The following RNF13 variants were observed in gnomAD, a reference collection of about 807,000 sequenced individuals.
The protein encoded by RNF13 is ring finger protein 13.
In RNF13, 19 loss-of-function variants were observed where a neutral mutation model predicts 37.7. The observed-to-expected ratio is 0.50, with a 90% confidence interval of 0.35 to 0.74. The LOEUF is 0.74. Ranked by LOEUF, RNF13 falls within the 30% of genes least tolerant of loss-of-function variation. The pLI is 0.01. For missense variants in RNF13, 375 were observed against 453.0 expected, an observed-to-expected ratio of 0.83 and a Z score of 1.56; for synonymous variants, 144 against 157.8, an observed-to-expected ratio of 0.91 and a Z score of 0.65.
intron 7 of RNF13, among the ~76,000 whole-genome samples, chr3:149,916,801 A>C (rs1348411114): frequency 6.6e-6 from 1 of 152,194 alleles, no homozygotes; most frequent in Non-Finnish European, 1.5e-5. Context: ...TAAATGGTGA[A>C]ATGCTAGAAG....
intron 2 of RNF13, 96 bp downstream of exon 2, chr3:149,846,236 C>T (rs1486006626): frequency 2.4e-5 from 18 of 745,720 alleles, no homozygotes. Flanking sequence ...TGTTATAAGA[C>T]ATTTTTATCT....
At chr3:149,877,472 C>CTTTTTTTTTTTTTTTTTTTTGT (rs1712872255) in intron 4 of RNF13, among the ~76,000 whole-genome samples, 13 of 101,488 alleles carry the variant, frequency 1.3e-4, no homozygotes, top group African/African-American at 1.9e-4. Context: ...TTCTTTCTGT[C>CTTTTTTTTTTTTTTTTTTTTGT]TTTTTTTTTT....
chr3:149,902,986 A>G (rs773941699), intron 6 of RNF13, among the ~76,000 whole-genome samples: 14 of 152,150 alleles, frequency 9.2e-5, no homozygotes, highest in Non-Finnish European at 1.5e-4. Flanking sequence ...CATTTGCCAG[A>G]AGAGGTAACT....
At chr3:149,953,567 AGTATATTTCTTAACACTAT>A (rs1721556308) in intron 8 of RNF13, among the ~76,000 whole-genome samples, 1 of 152,204 alleles carries the variant, frequency 6.6e-6, no homozygotes, top group African/African-American at 2.4e-5. Flanking sequence ...TAGCTGCTTA[AGTATATTTCTTAACACTAT>A]GAATCGAAGG....
intron 3 of RNF13, among the ~76,000 whole-genome samples, chr3:149,870,033 G>A (rs1427997346): frequency 6.6e-6 from 1 of 151,648 alleles, no homozygotes; most frequent in Non-Finnish European, 1.5e-5. Flanking sequence ...ACTGTGATTT[G>A]GCATCTCCTT....
intron 1 of RNF13, among the ~76,000 whole-genome samples, chr3:149,828,450 A>G (rs1236622817): frequency 6.6e-6 from 1 of 152,192 alleles, no homozygotes; most frequent in Non-Finnish European, 1.5e-5. Flanking sequence ...TACACTGTGC[A>G]TGATATTTGA....
At chr3:149,831,101 G>A (rs981922954) in intron 1 of RNF13, among the ~76,000 whole-genome samples, 4 of 152,234 alleles carry the variant, frequency 2.6e-5, no homozygotes, top group Admixed American at 6.5e-5. Context: ...AGTTTGCTGC[G>A]GGGGTGAAGC....
intron 7 of RNF13, among the ~76,000 whole-genome samples, chr3:149,917,888 TAA>T (rs1270028862): frequency 6.6e-6 from 1 of 152,208 alleles, no homozygotes; most frequent in African/African-American, 2.4e-5. Flanking sequence ...TAATGTAACT[TAA>T]AATTAACTCA....
intron 1 of RNF13, 200 bp from the exon 2 acceptor site, chr3:149,845,811 A>G (rs1020682500): frequency 1.5e-5 from 7 of 455,122 alleles, no homozygotes; most frequent in Admixed American, 3.9e-5. Context: ...TTACATAGGT[A>G]TTGACTAAAC....
chr3:149,955,164 A>G (rs1182753205), intron 8 of RNF13, among the ~76,000 whole-genome samples: 1 of 152,160 alleles, frequency 6.6e-6, no homozygotes, highest in Non-Finnish European at 1.5e-5. Context: ...TGAAGATTAT[A>G]TGTACAGGAG....
chr3:149,865,741 T>A (rs1015611166), intron 3 of RNF13, among the ~76,000 whole-genome samples: 10 of 152,138 alleles, frequency 6.6e-5, no homozygotes, highest in African/African-American at 2.2e-4. Flanking sequence ...TTTGGTGTTG[T>A]TTTTCTAGTT....
chr3:149,924,429 C>T (rs965562286), intron 8 of RNF13, among the ~76,000 whole-genome samples: 3 of 152,146 alleles, frequency 2.0e-5, no homozygotes, highest in Non-Finnish European at 4.4e-5. Flanking sequence ...GGCATTCCAT[C>T]ATTCAGTAGA....
intron 1 of RNF13, among the ~76,000 whole-genome samples, chr3:149,826,015 C>A (rs934657498): frequency 4.6e-5 from 7 of 152,100 alleles, no homozygotes; most frequent in African/African-American, 1.4e-4. Context: ...ATATTGAATA[C>A]CTTTTGTTTA....
intron 3 of RNF13, among the ~76,000 whole-genome samples, chr3:149,855,729 A>G (rs896642204): frequency 1.3e-5 from 2 of 152,052 alleles, no homozygotes; most frequent in East Asian, 3.9e-4. Context: ...AAAGTTTCAT[A>G]GATACTGCCA....
intron 2 of RNF13, among the ~76,000 whole-genome samples, chr3:149,852,041 C>G (rs2108389489): frequency 6.6e-6 from 1 of 152,272 alleles, no homozygotes; most frequent in East Asian, 1.9e-4. Flanking sequence ...TAAAAATGTT[C>G]AGCTTATACA....
At chr3:149,932,417 C>A (rs942784990) in intron 8 of RNF13, among the ~76,000 whole-genome samples, 7 of 152,124 alleles carry the variant, frequency 4.6e-5, no homozygotes, top group Admixed American at 4.6e-4. Context: ...ACCATCAACT[C>A]AAAAATCCAA....
chr3:149,919,909 A>G (rs1576539442), intron 7 of RNF13, among the ~76,000 whole-genome samples: 1 of 152,208 alleles, frequency 6.6e-6, no homozygotes, highest in Non-Finnish European at 1.5e-5. Flanking sequence ...AACGCTTGGT[A>G]TAGTCAGTGT....
At chr3:149,919,743 T>C (rs1717929083) in intron 7 of RNF13, among the ~76,000 whole-genome samples, 2 of 152,212 alleles carry the variant, frequency 1.3e-5, no homozygotes, top group African/African-American at 2.4e-5. Context: ...TTCATTTCTA[T>C]TGGGTAAGTA....
chr3:149,916,855 T>A (rs1717568590), intron 7 of RNF13, among the ~76,000 whole-genome samples: 1 of 152,182 alleles, frequency 6.6e-6, no homozygotes, highest in Admixed American at 6.5e-5. Context: ...TGGCTTTTCT[T>A]TTTCTAGTTT....
Sources: allele counts gnomAD v4.1 joint callset (sites outside exome capture counted in the v4.1 genomes callset), GRCh38; gene constraint gnomAD v4.1.1; transcripts MANE v1.5; gene names NCBI Gene and HGNC (gene_info 2026-07-23, HGNC 2026-07-21).